The following POLR2F variants were observed in gnomAD, a reference collection of about 807,000 sequenced individuals.
POLR2F encodes DNA-directed RNA polymerases I, II, and III subunit RPABC2.
A neutral mutation model predicts 22.7 loss-of-function variants in POLR2F; 12 were observed. The observed-to-expected ratio is 0.53, with a 90% CI of 0.34 to 0.86. The LOEUF is 0.86. Among genes scored for constraint, POLR2F ranks in the 40% least tolerant of loss-of-function variants. The pLI is 0.02. For synonymous variants in POLR2F, 57 were observed against 66.0 expected, an observed-to-expected ratio of 0.86 and a Z score of 0.66; for missense variants, 126 against 171.5, an observed-to-expected ratio of 0.73 and a Z score of 1.48.
At chr22:38,029,842 T>A (rs1269201186), downstream of POLR2F, among the ~76,000 whole-genome samples, 1 of 152,216 alleles carries the variant, frequency 6.6e-6, no homozygotes, top group Non-Finnish European at 1.5e-5. Flanking sequence ...GTCCTGGTTG[T>A]GGAGCCTTCG....
At chr22:37,960,742 C>T in intron 3 of POLR2F, among the ~76,000 whole-genome samples, 1 of 151,548 alleles carries the variant, frequency 6.6e-6, no homozygotes. Flanking sequence ...ACCATATTGG[C>T]CAGGCTGGTC....
Position 38,016,782 on chromosome 22 carries a change from G to A in POLR2F, c.121-9087G>A, listed in dbSNP as rs2084919607. Among the ~76,000 whole-genome samples, 1 of 151,854 alleles carries A rather than the reference G, an allele frequency of 6.6e-6. No homozygotes were observed. Among genetic ancestry groups the A allele is most frequent in the South Asian group, 2.1e-4 (1 of 4,822 alleles). Reference sequence around the variant, plus strand: ...CCGTCAATGCCCGCATTGTCCCCGCGCTTTTTGTTTCTACTGTAATGACAT... The same window carrying A: ...CCGTCAATGCCCGCATTGTCCCCGCACTTTTTGTTTCTACTGTAATGACAT... On this transcript the variant is annotated intron_variant, in intron 1 of 2. Transcript: ENST00000333418. This position sits in a 1 kb window ranked among gnomAD's most constrained non-coding sequence, Gnocchi z 4.4.
At chr22:37,956,651 A>ACTTG (rs1931412485) in intron 1 of POLR2F, 122 bp from the exon 2 acceptor site, 1 of 767,260 alleles carries the variant, frequency 1.3e-6, no homozygotes, top group South Asian at 1.6e-5. Flanking sequence ...TCCTGGCCTC[A>ACTTG]AGTGATCCGC....
At chr22:37,990,719 G>A (rs1024393419) in intron 1 of POLR2F, among the ~76,000 whole-genome samples, 2 of 152,262 alleles carry the variant, frequency 1.3e-5, no homozygotes, top group Non-Finnish European at 2.9e-5. Flanking sequence ...AATGGCTGTG[G>A]AGGCCCTGTG....
intron 3 of POLR2F, 76 bp downstream of exon 3, chr22:37,959,552 C>T: frequency 1.3e-6 from 2 of 1,504,448 alleles, no homozygotes; most frequent in South Asian, 1.2e-5. Flanking sequence ...TCTTTCCCAG[C>T]CTGGCACCTG....
chr22:37,956,360 T>A (rs1382108953), intron 1 of POLR2F, among the ~76,000 whole-genome samples: 1 of 152,036 alleles, frequency 6.6e-6, no homozygotes, highest in Non-Finnish European at 1.5e-5. Flanking sequence ...ACAGGCTTAA[T>A]CCCAGAGCCA....
intron 1 of POLR2F, among the ~76,000 whole-genome samples, chr22:38,008,224 A>AGC: frequency 2.0e-5 from 3 of 151,996 alleles, no homozygotes; most frequent in African/African-American, 7.3e-5. Flanking sequence ...TGGGTGACAG[A>AGC]GAGAGTCTGT....
downstream of POLR2F, among the ~76,000 whole-genome samples, chr22:38,027,946 T>C (rs997127678): frequency 2.6e-5 from 4 of 152,210 alleles, no homozygotes; most frequent in African/African-American, 9.7e-5. Context: ...TACCCGCCAC[T>C]GTATTCTAGG....
At chr22:37,954,800 C>T (rs1002259884) in intron 1 of POLR2F, among the ~76,000 whole-genome samples, 2 of 152,036 alleles carry the variant, frequency 1.3e-5, no homozygotes, top group East Asian at 3.9e-4. Flanking sequence ...TACCCCATTC[C>T]CAGTGAGTGT....
At chr22:38,025,532 C>A in intron 1 of POLR2F, 2 of 1,433,390 alleles carry the variant, frequency 1.4e-6, no homozygotes, top group East Asian at 5.0e-5. Flanking sequence ...CTGATCGTCC[C>A]CCTCGTTTGC....
chr22:37,994,747 C>T (rs562369173), intron 1 of POLR2F, among the ~76,000 whole-genome samples: 2 of 152,318 alleles, frequency 1.3e-5, no homozygotes, highest in African/African-American at 4.8e-5. Context: ...ACCTGGTGAT[C>T]CACCCGCCTT....
chr22:37,957,800 C>T (rs1339586030), intron 2 of POLR2F, among the ~76,000 whole-genome samples: 1 of 152,056 alleles, frequency 6.6e-6, no homozygotes, highest in Non-Finnish European at 1.5e-5. Context: ...GGCTGGTTTT[C>T]CTGCTTCAGT....
chr22:38,025,647 T>G (rs2085001936), intron 1 of POLR2F: 9 of 1,564,964 alleles, frequency 5.8e-6, no homozygotes, highest in Non-Finnish European at 7.8e-6. Context: ...CTAGGCTCTT[T>G]CAGCATCTCC....
At chr22:37,954,585 G>A (rs2145725051) in intron 1 of POLR2F, among the ~76,000 whole-genome samples, 1 of 152,304 alleles carries the variant, frequency 6.6e-6, no homozygotes, top group East Asian at 1.9e-4. Flanking sequence ...ACAGGCGTGA[G>A]CCACCGTGCC....
intron 1 of POLR2F, among the ~76,000 whole-genome samples, chr22:38,003,334 C>T (rs574827439): frequency 1.3e-5 from 2 of 152,050 alleles, no homozygotes; most frequent in Admixed American, 1.3e-4. Context: ...TCGAGCGATT[C>T]TCCCGCCTCA....
At chr22:37,987,971 G>T (rs1932630081) in intron 1 of POLR2F, 1 of 152,420 alleles carries the variant, frequency 6.6e-6, no homozygotes, top group Admixed American at 6.5e-5. Context: ...CTAATCAGTT[G>T]CCTAGGACTG....
chr22:37,972,130 G>A, downstream of POLR2F: 1 of 366,140 alleles, frequency 2.7e-6, no homozygotes, highest in South Asian at 2.0e-5. Context: ...AAGGGAGGGG[G>A]GAGAGAGAGA....
intron 5 of POLR2F, among the ~76,000 whole-genome samples, chr22:38,040,013 C>G (rs969207530): frequency 6.6e-6 from 1 of 152,116 alleles, no homozygotes; most frequent in Non-Finnish European, 1.5e-5. Context: ...GTGGCTCACA[C>G]CTGTAGTCCC....
At chr22:37,983,512 G>C, upstream of POLR2F, 1 of 1,610,350 alleles carries the variant, frequency 6.2e-7, no homozygotes, top group South Asian at 1.1e-5. This position sits in a 1 kb window ranked among gnomAD's most constrained non-coding sequence, Gnocchi z 9.5. Flanking sequence ...TGACGCGCAC[G>C]GGCATGGGCA....
Sources: allele counts gnomAD v4.1 joint callset (sites outside exome capture counted in the v4.1 genomes callset), GRCh38; gene constraint gnomAD v4.1.1; non-coding constraint Gnocchi (gnomAD v3.1); transcripts MANE v1.5; gene names NCBI Gene and HGNC (gene_info 2026-07-23, HGNC 2026-07-21).